MCTP1: variants seen among roughly 807,000 people sequenced by gnomAD.
MCTP1 encodes the protein multiple C2 and transmembrane domain containing 1.
A neutral mutation model predicts 120.6 loss-of-function variants in MCTP1; 69 were observed. The ratio of observed to expected loss-of-function variants is 0.57; its 90% CI spans 0.47 to 0.70. MCTP1 has a LOEUF of 0.70. Among genes scored for constraint, MCTP1 ranks in the 30% least tolerant of loss-of-function variants. The pLI is 0.00. For missense variants in MCTP1, 1,203 were observed against 1,248.8 expected, an observed-to-expected ratio of 0.96 and a Z score of 0.55; for synonymous variants, 529 against 493.1, an observed-to-expected ratio of 1.07 and a Z score of -0.96.
intron 17 of MCTP1, among the ~76,000 whole-genome samples, chr5:94,824,948 C>G (rs924475013): frequency 4.6e-5 from 7 of 152,124 alleles, no homozygotes; most frequent in Admixed American, 3.3e-4. Flanking sequence ...ATTAGTCTGG[C>G]TAGCAGACTA....
chr5:95,149,497 C>CCAAGCCAG (rs1554215631), intron 1 of MCTP1, among the ~76,000 whole-genome samples: 36 of 151,922 alleles, frequency 2.4e-4, no homozygotes, highest in East Asian at 5.8e-4. Flanking sequence ...TGCTGGGAGC[C>CCAAGCCAG]CAAGTCTTGC....
intron 2 of MCTP1, among the ~76,000 whole-genome samples, chr5:95,007,594 C>T (rs1319701684): frequency 2.0e-5 from 3 of 152,154 alleles, no homozygotes; most frequent in Admixed American, 2.0e-4. Context: ...TTTGTTTACA[C>T]TTAAAACACA....
intron 2 of MCTP1, among the ~76,000 whole-genome samples, chr5:95,005,121 C>T (rs1334068999): frequency 2.0e-5 from 3 of 152,150 alleles, no homozygotes; most frequent in Non-Finnish European, 4.4e-5. Context: ...CATTTTGGAG[C>T]TTTAAGATTT....
chr5:94,743,899 A>G (rs901081253), intron 19 of MCTP1, among the ~76,000 whole-genome samples: 3 of 152,008 alleles, frequency 2.0e-5, no homozygotes, highest in African/African-American at 7.2e-5. Context: ...TCGGTCTCCC[A>G]AAGTGCTAGG....
chr5:94,900,339 C>T (rs760774790), intron 10 of MCTP1, among the ~76,000 whole-genome samples: 14 of 152,162 alleles, frequency 9.2e-5, no homozygotes, highest in Non-Finnish European at 1.6e-4. Flanking sequence ...ATTCTCAGCA[C>T]GTGGCACACC....
intron 6 of MCTP1, among the ~76,000 whole-genome samples, chr5:94,927,227 G>A (rs1813366971): frequency 6.6e-6 from 1 of 152,014 alleles, no homozygotes; most frequent in East Asian, 1.9e-4. Flanking sequence ...CAAATTTCAG[G>A]ACTTTGGTTA....
rs554500719 is a variant in MCTP1 at position 94,739,824 on chromosome 5, C to T, written c.2611-24938G>A. Among the ~76,000 whole-genome samples the T allele has an allele frequency of 4.1e-4, 63 of 152,230 alleles. 1 individual carries two copies. The South Asian group carries it at 8.3e-3, about 20-fold the overall frequency. ...CTGGGATTACTGATGTGTGCCACCA[C>T]GCCCAGCTAATTTTTGTGTTTTTAG... On this transcript the variant is annotated intron_variant, in intron 19 of 22. Transcript: ENST00000515393.
At chr5:95,091,186 T>C (rs1281140053) in intron 1 of MCTP1, among the ~76,000 whole-genome samples, 1 of 152,080 alleles carries the variant, frequency 6.6e-6, no homozygotes, top group Non-Finnish European at 1.5e-5. Context: ...AGAAAATTCA[T>C]CCAGAAACCC....
chr5:94,877,218 C>T (rs994120803), intron 12 of MCTP1, among the ~76,000 whole-genome samples: 1 of 152,020 alleles, frequency 6.6e-6, no homozygotes, highest in African/African-American at 2.4e-5. Context: ...TGACATTTTA[C>T]GATGAGGAAT....
intron 1 of MCTP1, among the ~76,000 whole-genome samples, chr5:95,171,253 G>T (rs987014083): frequency 3.9e-5 from 6 of 152,090 alleles, no homozygotes; most frequent in Non-Finnish European, 7.4e-5. Flanking sequence ...CTCTCTTCTG[G>T]CTTGTAGAGT....
chr5:94,786,305 G>A (rs551228346), intron 18 of MCTP1, among the ~76,000 whole-genome samples: 15 of 152,186 alleles, frequency 9.9e-5, no homozygotes, highest in African/African-American at 3.6e-4. Flanking sequence ...AGGACATTAT[G>A]TCAGAGAATT....
At chr5:94,969,743 A>G (rs976805289) in intron 2 of MCTP1, among the ~76,000 whole-genome samples, 2 of 152,160 alleles carry the variant, frequency 1.3e-5, no homozygotes, top group African/African-American at 4.8e-5. Flanking sequence ...TCCAATTGTA[A>G]CAGAGGGTAT....
chr5:94,929,555 T>C (rs144776529), intron 6 of MCTP1: 1 of 721,260 alleles, frequency 1.4e-6, no homozygotes, highest in East Asian at 1.3e-4. Flanking sequence ...GATTGAAATA[T>C]TTAGAAAATG....
chr5:95,140,291 C>T (rs986431263), intron 1 of MCTP1, among the ~76,000 whole-genome samples: 2 of 152,064 alleles, frequency 1.3e-5, no homozygotes, highest in African/African-American at 4.8e-5. Flanking sequence ...ATCTGCAACC[C>T]GGGACTTTGC....
chr5:94,756,769 A>G (rs1427911745), intron 19 of MCTP1, among the ~76,000 whole-genome samples: 2 of 152,180 alleles, frequency 1.3e-5, no homozygotes, highest in Non-Finnish European at 2.9e-5. Flanking sequence ...GAATTGCTAT[A>G]TTTTATTCAT....
intron 1 of MCTP1, among the ~76,000 whole-genome samples, chr5:95,022,971 G>A (rs949647887): frequency 6.6e-6 from 1 of 152,110 alleles, no homozygotes; most frequent in Non-Finnish European, 1.5e-5. Flanking sequence ...ATATGTGCAG[G>A]ACTTTGACAA....
chr5:95,268,253 C>T (rs114731315), intron 1 of MCTP1, among the ~76,000 whole-genome samples: 1,577 of 152,296 alleles, frequency 0.01, 23 homozygotes, highest in African/African-American at 0.035. Context: ...TCTACCACAA[C>T]ATAGATATTT....
intron 19 of MCTP1, among the ~76,000 whole-genome samples, chr5:94,750,864 T>C (rs1010178958): frequency 6.6e-6 from 1 of 152,120 alleles, no homozygotes; most frequent in Non-Finnish European, 1.5e-5. Flanking sequence ...CATCTGGTGA[T>C]TGTGAAGGCC....
At chr5:94,934,105 G>C (rs1815516773) in intron 5 of MCTP1, among the ~76,000 whole-genome samples, 1 of 151,658 alleles carries the variant, frequency 6.6e-6, no homozygotes, top group Admixed American at 6.6e-5. Flanking sequence ...AAAGCAATGG[G>C]TTTAAGTATC....
Sources: gnomAD v4.1 joint callset for allele counts (sites outside exome capture counted in the v4.1 genomes callset) on GRCh38, gnomAD v4.1.1 for gene constraint, MANE v1.5 for transcripts, NCBI Gene and HGNC (gene_info 2026-07-23, HGNC 2026-07-21) for gene names.